Variants in STIM1 observed in about 807,000 individuals in gnomAD.
STIM1 encodes stromal interaction molecule 1.
STIM1 carries 25 observed loss-of-function variants against 74.7 expected under a neutral mutation model. That is an observed-to-expected ratio of 0.33 (90% confidence interval 0.24 to 0.47). STIM1 has a LOEUF of 0.47. STIM1 is among the 20% of genes least tolerant of loss of function. The pLI is 1.00. For missense variants in STIM1, 728 were observed against 920.8 expected, an observed-to-expected ratio of 0.79 and a Z score of 2.71; for synonymous variants, 328 against 348.8, an observed-to-expected ratio of 0.94 and a Z score of 0.66.
At chr11:3,973,261 T>A in intron 2 of STIM1, 1 of 482,328 alleles carries the variant, frequency 2.1e-6, no homozygotes. Context: ...AAGTTGTCAT[T>A]CCCACCAAAA....
intron 1 of STIM1, among the ~76,000 whole-genome samples, chr11:3,870,447 C>G (rs547078478): frequency 6.6e-6 from 1 of 152,176 alleles, no homozygotes; most frequent in Non-Finnish European, 1.5e-5. Context: ...TAATTTTTAC[C>G]TCATGGAGGC....
intron 2 of STIM1, among the ~76,000 whole-genome samples, chr11:4,010,797 G>A (rs1201103528): frequency 3.9e-5 from 6 of 152,116 alleles, no homozygotes; most frequent in Non-Finnish European, 2.9e-5. Flanking sequence ...GTATACATAT[G>A]CCATGTTGGT....
intron 1 of STIM1, among the ~76,000 whole-genome samples, chr11:3,861,467 T>A (rs1006045111): frequency 3.3e-5 from 5 of 152,084 alleles, no homozygotes; most frequent in African/African-American, 1.2e-4. Flanking sequence ...ATCTCCTGAC[T>A]TCGTGATCTG....
rs750946232 is a variant in STIM1, at chr11:4,023,865, C to T, written c.271-8C>T. On this transcript the variant is annotated splice_region_variant and splice_polypyrimidine_tract_variant and intron_variant, in intron 2 of 12. Coordinates refer to ENST00000526596, the MANE Select transcript of STIM1 (RefSeq NM_001382567.1). ...ATCTCTTGTGACTTGTGTACTTTTCCCTTGCAGTTCCTGAGGGAAGACCTC... is the reference window on the plus strand; with the variant it reads ...ATCTCTTGTGACTTGTGTACTTTTCTCTTGCAGTTCCTGAGGGAAGACCTC... 1 of 1,611,468 alleles carries T rather than the reference C, an allele frequency of 6.2e-7. No homozygotes were observed. Among genetic ancestry groups the T allele is most frequent in the Non-Finnish European group, 8.5e-7 (1 of 1,177,808 alleles).
At chr11:4,061,622 C>G (rs1000635624) in intron 5 of STIM1, among the ~76,000 whole-genome samples, 3 of 152,062 alleles carry the variant, frequency 2.0e-5, no homozygotes, top group African/African-American at 7.2e-5. Context: ...TACCCTAGAA[C>G]CTAGCAATTC....
chr11:3,989,595 G>C, intron 2 of STIM1: 1 of 437,154 alleles, frequency 2.3e-6, no homozygotes, highest in Non-Finnish European at 4.3e-6. Context: ...AAGGGGCGGT[G>C]GGAGAACCCT....
intron 3 of STIM1, among the ~76,000 whole-genome samples, chr11:4,032,423 T>C (rs1349489115): frequency 1.3e-5 from 2 of 152,234 alleles, no homozygotes; most frequent in Non-Finnish European, 2.9e-5. Context: ...GCCAGTACCA[T>C]GCTATTTTGA....
At chr11:3,962,544 A>G (rs903760361) in intron 1 of STIM1, among the ~76,000 whole-genome samples, 1 of 151,754 alleles carries the variant, frequency 6.6e-6, no homozygotes, top group African/African-American at 2.4e-5. Context: ...ATGTCTTGCT[A>G]TTGTAAATAG....
At chr11:3,906,687 A>T (rs546420021) in intron 1 of STIM1, among the ~76,000 whole-genome samples, 2 of 152,172 alleles carry the variant, frequency 1.3e-5, no homozygotes, top group Non-Finnish European at 2.9e-5. Context: ...TAGAAATACT[A>T]TGGTCCCTTA....
chr11:3,959,920 A>G (rs1437617277), intron 1 of STIM1, among the ~76,000 whole-genome samples: 1 of 152,236 alleles, frequency 6.6e-6, no homozygotes. Context: ...GTGGCACTGA[A>G]CTACTAGTAA....
At chr11:4,057,731 G>A (rs1463786224) in intron 4 of STIM1, among the ~76,000 whole-genome samples, 3 of 152,078 alleles carry the variant, frequency 2.0e-5, no homozygotes, top group Non-Finnish European at 2.9e-5. Context: ...TTAGCCAGGC[G>A]TGGTGGCAGG....
Position 3,882,720 on chromosome 11 carries a change from A to G in STIM1, c.139+26311A>G, listed in dbSNP as rs926221868. On this transcript the variant is annotated intron_variant, in intron 1 of 12. Coordinates refer to ENST00000526596, the MANE Select transcript of STIM1 (RefSeq NM_001382567.1). The stretch of plus-strand genomic sequence containing the variant: ...GGTAATTCTGTTTAGTTTTTGAGGA[A>G]CCAACAAACTCTTTTTCACAGCAGC... Among the ~76,000 whole-genome samples, 16 of 152,320 alleles carry G rather than the reference A, an allele frequency of 1.1e-4. No homozygotes were observed. In the South Asian group the frequency reaches 1.4e-3, roughly 14 times the overall value.
intron 1 of STIM1, among the ~76,000 whole-genome samples, chr11:3,896,403 C>T (rs2092177510): frequency 6.6e-6 from 1 of 152,158 alleles, no homozygotes; most frequent in Admixed American, 6.5e-5. Flanking sequence ...GATCATAGAG[C>T]TAAGTGGCTG....
In STIM1 at chr11:3,895,675, CTTCCTTCCTTCT is replaced by C. The variant is rs2092077731; in HGVS notation, c.139+39270_139+39281del. Among the ~76,000 whole-genome samples, 27 of 49,186 alleles carry C rather than the reference CTTCCTTCCTTCT, an allele frequency of 5.5e-4. 1 individual carries two copies. The highest frequency in any genetic ancestry group is 9.7e-4 in the African/African-American group (8 of 8,236). The allele number at this position is 49,186 out of a possible 152,430, so 32.3% of individuals were successfully genotyped here. A position where few individuals can be genotyped will look rare whatever the true frequency, so the allele number is the denominator to read the frequency against. ...CTTTCTTTCTTTCTTTCTTTCTTTC[CTTCCTTCCTTCT>C]TTCTTTCTTTCTTTCTTTCTTTCTT... On this transcript the variant is annotated intron_variant, in intron 1 of 12. Transcript: ENST00000526596.
At chr11:4,045,453 A>ATTTTT (rs568849786) in intron 3 of STIM1, among the ~76,000 whole-genome samples, 1 of 143,082 alleles carries the variant, frequency 7.0e-6, no homozygotes, top group African/African-American at 2.6e-5. Context: ...TTCCATCAGC[A>ATTTTT]TTTTTTTTTT....
Position 3,882,092 on chromosome 11 carries a change from CTTTTTT to C in STIM1, c.139+25702_139+25707del, listed in dbSNP as rs946580998. ...TGTAGCATGTATCAGCACTTCATTC[CTTTTTT>C]TTTTTTTTTTTTTTTTTTGAGACAG... On this transcript the variant is annotated intron_variant, in intron 1 of 12. Coordinates refer to ENST00000526596, the MANE Select transcript of STIM1 (RefSeq NM_001382567.1). Among the ~76,000 whole-genome samples, 5 of 92,312 alleles carry C rather than the reference CTTTTTT, an allele frequency of 5.4e-5. No individual in the cohort carries two copies. The Admixed American group carries it at 6.8e-4, about 13-fold the overall frequency. The allele number at this position is 92,312 out of a possible 152,430, so 60.6% of individuals were successfully genotyped here.
At chr11:3,973,949 G>A (rs544682880) in intron 2 of STIM1, 6 of 568,388 alleles carry the variant, frequency 1.1e-5, no homozygotes, top group Admixed American at 8.3e-5. Flanking sequence ...CCTTTTCATA[G>A]TTAAGTGGGC....
chr11:3,968,678 C>T (rs2093362972), intron 2 of STIM1, among the ~76,000 whole-genome samples: 1 of 152,190 alleles, frequency 6.6e-6, no homozygotes, highest in Non-Finnish European at 1.5e-5. Context: ...CTTTATATAA[C>T]TTAAAGTCTA....
chr11:3,932,405 G>A (rs1011609892), intron 1 of STIM1, among the ~76,000 whole-genome samples: 6 of 152,204 alleles, frequency 3.9e-5, no homozygotes, highest in South Asian at 2.1e-4. Flanking sequence ...GCTCACGCCT[G>A]TAATCCCAGC....
Sources: allele counts gnomAD v4.1 joint callset (sites outside exome capture counted in the v4.1 genomes callset), GRCh38; gene constraint gnomAD v4.1.1; transcripts MANE v1.5; gene names NCBI Gene and HGNC (gene_info 2026-07-23, HGNC 2026-07-21).